CA12: variants seen among roughly 807,000 people sequenced by gnomAD.
CA12 encodes carbonic anhydrase 12, also known as carbonate dehydratase XII.
A neutral mutation model predicts 46.8 loss-of-function variants in CA12; 36 were observed. The ratio of observed to expected loss-of-function variants is 0.77; its 90% CI spans 0.59 to 1.02. The LOEUF (loss-of-function observed/expected upper bound fraction) is 1.02. Among genes scored for constraint, CA12 ranks in the 50% least tolerant of loss-of-function variants. The pLI is 0.00. For synonymous variants in CA12, 202 were observed against 187.0 expected (o/e 1.08, Z -0.65); for missense variants, 436 against 451.4 (o/e 0.97, Z 0.31).
chr15:63,327,247 A>G lies in CA12; in HGVS notation c.908-14T>C, dbSNP rs2038879388. On this transcript the variant is annotated splice_polypyrimidine_tract_variant and intron_variant, in intron 9 of 10. Transcript: ENST00000178638. The surrounding 1 kb of genome is among the most constrained non-coding windows in gnomAD (Gnocchi z 4.5). ...AGAGGATGATGCCTGGTGAAGAGGT[A>G]GAGGGCACACATTACATTCCTTCCT... 8.1e-6 allele frequency: 13 copies of G among 1,608,768 alleles called. No homozygotes were observed. The highest frequency in any genetic ancestry group is 1.1e-5 in the Non-Finnish European group (13 of 1,175,732).
chr15:63,328,271 T>C lies in CA12; in HGVS notation c.875-141A>G, dbSNP rs2038893575. ...GGATGTCCACCCTTGGCTCAGGGAT[T>C]GCCTGATGAAGTACAGGAAATTGCC... is the stretch of plus-strand genomic sequence containing the variant. On this transcript the variant is annotated intron_variant, in intron 8 of 10. Transcript: ENST00000178638. This position sits in a 1 kb window ranked among gnomAD's most constrained non-coding sequence, Gnocchi z 5.9. 2 of 764,684 alleles carry C rather than the reference T, an allele frequency of 2.6e-6. No individual in the cohort carries two copies. Among genetic ancestry groups the C allele is most frequent in the African/African-American group, 1.7e-5 (1 of 58,862 alleles). The allele number at this position is 764,684 out of a possible 1,614,324, so 47.4% of individuals were successfully genotyped here.
At chr15:63,376,600 T>TTCTTTCTTTCTTTCTTTCTTTCTCTC (rs10623502) in intron 1 of CA12, among the ~76,000 whole-genome samples, 4 of 134,208 alleles carry the variant, frequency 3.0e-5, no homozygotes, top group East Asian at 4.8e-4. Context: ...CTTTCTTTCT[T>TTCTTTCTTTCTTTCTTTCTTTCTCTC]TCTCTCTCTC....
At chr15:63,346,222 G>A (rs559530419) in intron 3 of CA12, among the ~76,000 whole-genome samples, 15 of 152,236 alleles carry the variant, frequency 9.9e-5, no homozygotes, top group African/African-American at 2.9e-4. Context: ...TCCTTGAATC[G>A]TTTATGGTCC....
rs141142362 is a variant in CA12, at chr15:63,345,480, G to A, written c.426C>T (p.Ala142=). ...CCAGACTGGCAGCCCTACTTACCTC[G>A]GCGGCGAAGTGCTGTCCGCTGACGG... ...EHTVSGQHFA[A]ELHIVHYNSD... Residue 142 remains alanine, a synonymous_variant, in exon 4 of 11, where the codon GCC becomes GCT. Coordinates refer to ENST00000178638, the MANE Select transcript of CA12 (RefSeq NM_001218.5). This position sits in a 1 kb window ranked among gnomAD's most constrained non-coding sequence, Gnocchi z 4.3. 257 of 1,606,650 alleles carry A rather than the reference G, an allele frequency of 1.6e-4. No homozygotes were observed. The highest frequency in any genetic ancestry group is 2.1e-4 in the Non-Finnish European group (246 of 1,179,774).
intron 2 of CA12, among the ~76,000 whole-genome samples, chr15:63,364,348 A>AAAAAAAAAAAAAC (rs2039411478): frequency 2.0e-5 from 3 of 150,176 alleles, no homozygotes; most frequent in African/African-American, 4.9e-5. Flanking sequence ...AAAAAAAAAA[A>AAAAAAAAAAAAAC]AAAAAAACAG....
chr15:63,324,068 A>C lies in CA12; in HGVS notation c.*2217T>G, dbSNP rs2038833235. On this transcript the variant is annotated 3_prime_UTR_variant, in exon 11 of 11. Transcript: ENST00000178638. ...ATCAGTGGAATGAGTGCGGATCCGA[A>C]GAAAGGTTTCCCAGTTCCAAAGCTG... is the stretch of plus-strand genomic sequence containing the variant. The C allele has an allele frequency of 6.6e-6, 1 of 152,280 alleles. No homozygotes were observed. The highest frequency in any genetic ancestry group is 1.5e-5 in the Non-Finnish European group (1 of 68,092). 9.4% of individuals were successfully genotyped at this position (152,280 alleles called of 1,614,324 possible).
rs1284093265 is a variant in CA12 at position 63,341,520 on chromosome 15, ACCATCT to A, written c.525+476_525+481del. On this transcript the variant is annotated intron_variant, in intron 5 of 10. Transcript: ENST00000178638. This position sits in a 1 kb window ranked among gnomAD's most constrained non-coding sequence, Gnocchi z 5.2. Reference sequence around the variant, plus strand: ...TGAGGTGGAACAGTTTCATCCCAAAACCATCTCCCTCCCTGGTCCATGGTCCGTGGA... The same window carrying A: ...TGAGGTGGAACAGTTTCATCCCAAAACCCTCCCTGGTCCATGGTCCGTGGA... Among the ~76,000 whole-genome samples, 1 of 152,140 alleles carries A rather than the reference ACCATCT, an allele frequency of 6.6e-6. No homozygotes were observed. The highest frequency in any genetic ancestry group is 1.9e-4 in the East Asian group (1 of 5,188).
intron 10 of CA12, among the ~76,000 whole-genome samples, 174 bp downstream of exon 10, chr15:63,326,975 T>A (rs1456798675): frequency 6.6e-6 from 1 of 152,244 alleles, no homozygotes; most frequent in Non-Finnish European, 1.5e-5. Context: ...CAGGGTCACA[T>A]GTGCGTCTCA....
At position 63,358,109 on chromosome 15, in the gene CA12, A is replaced by G. The variant is rs565402693; in HGVS notation, c.107-11400T>C. 2.0e-5 allele frequency among the ~76,000 whole-genome samples: 3 copies of G among 152,346 alleles called. No individual in the cohort carries two copies. In the East Asian group the frequency reaches 5.8e-4, roughly 29 times the overall value. ...AGGACTGCATTTTATTGTAGTTTAAATATTTGACTCTAGTTAAATTGCTAT... is the reference window on the plus strand; with the variant it reads ...AGGACTGCATTTTATTGTAGTTTAAGTATTTGACTCTAGTTAAATTGCTAT... On this transcript the variant is annotated intron_variant, in intron 2 of 10. Coordinates refer to ENST00000178638, the MANE Select transcript of CA12 (RefSeq NM_001218.5).
In CA12 at chr15:63,342,197, G is replaced by GTCCC. The variant is rs2039087604; in HGVS notation, c.430-101_430-100insGGGA. 3.9e-6 allele frequency: 3 copies of GTCCC among 764,756 alleles called. No individual in the cohort carries two copies. The Admixed American group carries it at 5.9e-5, about 15-fold the overall frequency. 47.4% of individuals were successfully genotyped at this position (764,756 alleles called of 1,614,324 possible). A position where few individuals can be genotyped will look rare whatever the true frequency, so the allele number is the denominator to read the frequency against. On this transcript the variant is annotated intron_variant, in intron 4 of 10. Transcript: ENST00000178638. ...CTCCAACTGTGAGGACAGAACCCCA[G>GTCCC]CCCCCTCAGCCCCCCAGACTAGGTT...
intron 2 of CA12, among the ~76,000 whole-genome samples, chr15:63,364,349 A>AAAAAAAAAAAAC (rs2039411698): frequency 2.0e-5 from 3 of 150,264 alleles, no homozygotes; most frequent in African/African-American, 4.9e-5. Flanking sequence ...AAAAAAAAAA[A>AAAAAAAAAAAAC]AAAAAACAGT....
rs370563418 is a variant in CA12, at chr15:63,340,700, T to C, written c.589+20A>G. On this transcript the variant is annotated intron_variant, in intron 6 of 10. Transcript: ENST00000178638. This position sits in a 1 kb window ranked among gnomAD's most constrained non-coding sequence, Gnocchi z 4.4. ...CTCCTTCTCCAGCAGAGAGTGAATA[T>C]GCATGCAAGGACCCCTCACCTTTGT... 119 of 1,611,302 alleles carry C rather than the reference T, an allele frequency of 7.4e-5. No individual in the cohort carries two copies. In the African/African-American group the frequency reaches 1.4e-3, roughly 18 times the overall value.
chr15:63,375,424 A>G (rs1202627208), intron 2 of CA12: 2 of 483,986 alleles, frequency 4.1e-6, no homozygotes, highest in Non-Finnish European at 7.5e-6. Flanking sequence ...CCTGGACACT[A>G]TGACTCACAG....
chr15:63,359,138 G>T (rs183802993), intron 2 of CA12, among the ~76,000 whole-genome samples: 2 of 152,074 alleles, frequency 1.3e-5, no homozygotes, highest in Admixed American at 1.3e-4. Context: ...CACCAGCTCT[G>T]CCCCTGCCCA....
At chr15:63,376,097 C>T (rs2039567420) in intron 1 of CA12, among the ~76,000 whole-genome samples, 2 of 152,290 alleles carry the variant, frequency 1.3e-5, no homozygotes, top group African/African-American at 4.8e-5. Context: ...GCGTGAGCCA[C>T]CATGCCCGGC....
At chr15:63,346,855 C>A in intron 2 of CA12, 146 bp from the exon 3 acceptor site, 1 of 939,166 alleles carries the variant, frequency 1.1e-6, no homozygotes, top group Non-Finnish European at 1.6e-6. Context: ...GAGTCTTGGC[C>A]TCCAGAATCA....
In CA12 at chr15:63,346,561, C is replaced by T; in HGVS notation, c.255G>A (p.Lys85=). 1.9e-6 allele frequency: 3 copies of T among 1,613,728 alleles called. No individual in the cohort carries two copies. The South Asian group carries it at 3.3e-5, about 18-fold the overall frequency. The change falls in exon 3 of 11, where the codon AAG becomes AAA. Residue 85 remains lysine (K), a synonymous_variant. Coordinates refer to ENST00000178638, the MANE Select transcript of CA12 (RefSeq NM_001218.5). ...EFQGYNLSAN[K]QFLLTNNGHS... ...GGCCATTGTTGGTCAGGAGAAACTG[C>T]TTGTTGGCAGACAGATTGTAGCCTT... is the stretch of plus-strand genomic sequence containing the variant.
Position 63,339,002 on chromosome 15 carries a change from T to C in CA12, c.748-57A>G, listed in dbSNP as rs2039041528. 6.2e-7 allele frequency: 1 copy of C among 1,609,076 alleles called. No homozygotes were observed. The highest frequency in any genetic ancestry group is 8.5e-7 in the Non-Finnish European group (1 of 1,177,254). Reference sequence around the variant, plus strand: ...AGAATGACCTCCTCACCTGATCCCCTGGGAAGAGGCTAGCTCTCCGCTCTT... The same window carrying C: ...AGAATGACCTCCTCACCTGATCCCCCGGGAAGAGGCTAGCTCTCCGCTCTT... On this transcript the variant is annotated intron_variant, in intron 7 of 10. Coordinates refer to ENST00000178638, the MANE Select transcript of CA12 (RefSeq NM_001218.5). This position sits in a 1 kb window ranked among gnomAD's most constrained non-coding sequence, Gnocchi z 4.3.
intron 10 of CA12, among the ~76,000 whole-genome samples, chr15:63,326,682 CA>C (rs201768666): frequency 0.011 from 1,659 of 152,154 alleles, 12 homozygotes; most frequent in Middle Eastern, 0.024. Context: ...ATACCCCCCC[CA>C]AATAAATTAG....
Sources: allele counts gnomAD v4.1 joint callset (sites outside exome capture counted in the v4.1 genomes callset), GRCh38; gene constraint gnomAD v4.1.1; non-coding constraint Gnocchi (gnomAD v3.1); transcripts MANE v1.5; gene names NCBI Gene and HGNC (gene_info 2026-07-23, HGNC 2026-07-21).